The following RAB6A variants were observed in gnomAD, a reference collection of about 807,000 sequenced individuals.
The protein encoded by RAB6A is RAB6A, member RAS oncogene family.
Under a neutral mutation model 32.3 loss-of-function variants are expected in RAB6A, and 8 were observed. The observed-to-expected ratio is 0.25, with a 90% CI of 0.15 to 0.45. RAB6A has a LOEUF of 0.45. Among genes scored for constraint, RAB6A ranks in the 20% least tolerant of loss-of-function variants. The probability of loss-of-function intolerance (pLI) is 1.00; values close to 1 mark genes in which losing one functional copy is unlikely to be tolerated. For synonymous variants in RAB6A, 73 were observed against 82.1 expected (o/e 0.89, Z 0.60); for missense variants, 104 against 249.4 (o/e 0.42, Z 3.93).
intron 5 of RAB6A, among the ~76,000 whole-genome samples, chr11:73,715,031 A>C (rs915532980): frequency 9.2e-5 from 14 of 152,234 alleles, no homozygotes; most frequent in African/African-American, 3.1e-4. Flanking sequence ...AATTTCCTTC[A>C]TAGCAGTTCA....
chr11:73,746,495 G>A (rs560844774), intron 1 of RAB6A, among the ~76,000 whole-genome samples: 4 of 150,462 alleles, frequency 2.7e-5, no homozygotes, highest in South Asian at 4.2e-4. Flanking sequence ...GTGACAGAGT[G>A]AGACTCTGTC....
At position 73,760,678 on chromosome 11, in the gene RAB6A, C is replaced by G; in HGVS notation, c.-43G>C. The stretch of plus-strand genomic sequence containing the variant: ...GGCCGCCGCCTCAGCCTAGAGACCT[C>G]CCGGACCGATGCTGCTCCAGCCAGC... On this transcript the variant is annotated 5_prime_UTR_variant, in exon 1 of 8. Transcript: ENST00000336083. 3 of 1,586,060 alleles carry G rather than the reference C, an allele frequency of 1.9e-6. No individual in the cohort carries two copies. Among genetic ancestry groups the G allele is most frequent in the Non-Finnish European group, 2.6e-6 (3 of 1,166,682 alleles).
rs761159395 is a variant in RAB6A, at chr11:73,707,469, T to C, written c.446A>G (p.Asn149Ser). 4 of 1,613,762 alleles carry C rather than the reference T, an allele frequency of 2.5e-6. No individual in the cohort carries two copies. The Admixed American group carries it at 5.0e-5, about 20-fold the overall frequency. ...TGCACTAGTTTCAATAAACATAACA[T>C]TCAGCTCTTTGGCTTTCCTCTCTCC... ...EEGERKAKEL[N>S]VMFIETSAKA... The change falls in exon 6 of 8, where the codon AAT becomes AGT. Residue 149 changes from asparagine (N) to serine (S), a missense_variant. Physicochemically the swap from Asn to Ser is conservative, Grantham distance 46 (BLOSUM62 1). This residue lies in a region of RAB6A where 33 missense variants were observed against 59.5 expected (regional missense o/e 0.55). Coordinates refer to ENST00000336083, the MANE Select transcript of RAB6A (RefSeq NM_198896.2).
At chr11:73,735,102 C>A (rs971566078) in intron 1 of RAB6A, among the ~76,000 whole-genome samples, 3 of 152,190 alleles carry the variant, frequency 2.0e-5, no homozygotes, top group Non-Finnish European at 4.4e-5. Flanking sequence ...AATTCTAGCA[C>A]AATTTCAACA....
intron 4 of RAB6A, among the ~76,000 whole-genome samples, chr11:73,717,980 T>C (rs1336874230): frequency 6.6e-6 from 1 of 152,090 alleles, no homozygotes; most frequent in Admixed American, 6.5e-5. Flanking sequence ...ATTCAATCTT[T>C]AGAAAAAAGA....
chr11:73,736,516 G>A (rs1034759412), intron 1 of RAB6A, among the ~76,000 whole-genome samples: 4 of 151,736 alleles, frequency 2.6e-5, no homozygotes, highest in Non-Finnish European at 4.4e-5. Context: ...TTGGCCAGGC[G>A]CGGTGTGGCT....
chr11:73,760,134 G>A (rs1192930854), intron 1 of RAB6A: 1 of 1,291,780 alleles, frequency 7.7e-7, no homozygotes, highest in Non-Finnish European at 1.0e-6. Flanking sequence ...GTTGAAGAGG[G>A]CCCGCTCTCG....
At chr11:73,695,403 G>A (rs368393978) in intron 6 of RAB6A, among the ~76,000 whole-genome samples, 3 of 148,486 alleles carry the variant, frequency 2.0e-5, no homozygotes, top group East Asian at 2.0e-4. Flanking sequence ...TTTTTGAGAC[G>A]GAGTCTCGCT....
intron 1 of RAB6A, among the ~76,000 whole-genome samples, chr11:73,757,098 C>CATACATATATATATAT (rs201833447): frequency 8.0e-5 from 3 of 37,672 alleles, no homozygotes; most frequent in South Asian, 8.6e-4. Flanking sequence ...AATATACATA[C>CATACATATATATATAT]ATATATATAT....
intron 5 of RAB6A, among the ~76,000 whole-genome samples, chr11:73,709,547 G>A (rs68128239): frequency 0.1 from 15,447 of 148,786 alleles, 893 homozygotes; most frequent in South Asian, 0.27. Context: ...GACCAGTAGA[G>A]CTTCTTTGAG....
chr11:73,735,918 C>CT (rs1432413462), intron 1 of RAB6A, among the ~76,000 whole-genome samples: 2 of 8,324 alleles, frequency 2.4e-4, no homozygotes, highest in East Asian at 6.0e-3. Flanking sequence ...CCAACCTTGC[C>CT]TTAAAAAAAA....
At chr11:73,723,348 C>G (rs188624379) in intron 2 of RAB6A, among the ~76,000 whole-genome samples, 1 of 151,752 alleles carries the variant, frequency 6.6e-6, no homozygotes, top group Non-Finnish European at 1.5e-5. Context: ...TTTTGAGAGA[C>G]AGAGTCTTGC....
At chr11:73,701,451 A>T (rs1016041582) in intron 6 of RAB6A, among the ~76,000 whole-genome samples, 1 of 152,214 alleles carries the variant, frequency 6.6e-6, no homozygotes, top group African/African-American at 2.4e-5. Context: ...ACTGACCTAC[A>T]TAGCAAGAAC....
chr11:73,685,439 T>A (rs1044729728), intron 6 of RAB6A, among the ~76,000 whole-genome samples: 1 of 151,302 alleles, frequency 6.6e-6, no homozygotes, highest in African/African-American at 2.4e-5. Context: ...CAGGTGCCTG[T>A]GCCACACCCG....
rs1375450348 is a variant in RAB6A, at chr11:73,709,449, TTATTATTATTATTAC to T, written c.402-1951_402-1937del. 1.1e-4 allele frequency among the ~76,000 whole-genome samples: 16 copies of T among 140,038 alleles called. No homozygotes were observed. The South Asian group carries it at 2.3e-3, about 20-fold the overall frequency. 91.9% of individuals were successfully genotyped at this position (140,038 alleles called of 152,430 possible). On this transcript the variant is annotated intron_variant, in intron 5 of 7. Transcript: ENST00000336083. ...TTTCTCCTTAAGTATATTATTATTATTATTATTATTATTACTATTATTATTATGACTCGTGGATTT... is the reference window on the plus strand; with the variant it reads ...TTTCTCCTTAAGTATATTATTATTATTATTATTATTATGACTCGTGGATTT...
intron 6 of RAB6A, among the ~76,000 whole-genome samples, chr11:73,692,959 AAAAACAAAACAAAAC>A (rs201171899): frequency 6.6e-6 from 1 of 150,676 alleles, no homozygotes; most frequent in African/African-American, 2.4e-5. Context: ...AGACTGTCTC[AAAAACAAAACAAAAC>A]AAAACAAAAA....
At chr11:73,710,360 A>C (rs551529939) in intron 5 of RAB6A, among the ~76,000 whole-genome samples, 13 of 151,994 alleles carry the variant, frequency 8.6e-5, no homozygotes, top group Admixed American at 3.9e-4. Flanking sequence ...CATTAAGCAA[A>C]GTATTCATTT....
intron 1 of RAB6A, among the ~76,000 whole-genome samples, chr11:73,742,725 G>A (rs1456648639): frequency 6.6e-6 from 1 of 151,930 alleles, no homozygotes; most frequent in Non-Finnish European, 1.5e-5. Context: ...CAGGAGAATC[G>A]CTTGAACTCG....
At chr11:73,749,175 T>C (rs936969878) in intron 1 of RAB6A, among the ~76,000 whole-genome samples, 5 of 152,156 alleles carry the variant, frequency 3.3e-5, no homozygotes, top group Non-Finnish European at 7.3e-5. Flanking sequence ...GGACTACTAC[T>C]CAGCCATAAA....
Sources: gnomAD v4.1 joint callset for allele counts (sites outside exome capture counted in the v4.1 genomes callset) on GRCh38, gnomAD v4.1.1 for gene constraint, gnomAD v4.1.1 regional missense constraint, MANE v1.5 for transcripts, NCBI Gene and HGNC (gene_info 2026-07-23, HGNC 2026-07-21) for gene names.